PLCB1: variants seen among roughly 807,000 people sequenced by gnomAD.
The protein encoded by PLCB1 is 1-phosphatidylinositol 4,5-bisphosphate phosphodiesterase beta-1.
Under a neutral mutation model 161.8 loss-of-function variants are expected in PLCB1, and 46 were observed. That is an observed-to-expected ratio of 0.28 (90% CI 0.22 to 0.36). PLCB1 has a LOEUF of 0.36. Ranked by LOEUF, PLCB1 falls within the 10% of genes least tolerant of loss-of-function variation. PLCB1 has a pLI of 1.00. For missense variants in PLCB1, 1,016 were observed against 1,472.5 expected (o/e 0.69, Z 5.07); for synonymous variants, 517 against 503.7 (o/e 1.03, Z -0.35).
intron 2 of PLCB1, among the ~76,000 whole-genome samples, chr20:8,321,784 G>A (rs1020705977): frequency 3.3e-5 from 5 of 152,152 alleles, no homozygotes; most frequent in South Asian, 2.1e-4. Context: ...TCTCTCCCCC[G>A]CATTGGGTTC....
chr20:8,268,672 C>G (rs1215210260), intron 2 of PLCB1, among the ~76,000 whole-genome samples: 1 of 152,152 alleles, frequency 6.6e-6, no homozygotes, highest in Non-Finnish European at 1.5e-5. Context: ...ACTAGTGTGA[C>G]ATGGTATCTC....
chr20:8,615,362 C>T (rs995281635), intron 3 of PLCB1, among the ~76,000 whole-genome samples: 2 of 152,152 alleles, frequency 1.3e-5, no homozygotes, highest in Non-Finnish European at 2.9e-5. Flanking sequence ...TCTAATACAT[C>T]ACGCTTTGGA....
At chr20:8,319,380 T>G (rs956533086) in intron 2 of PLCB1, among the ~76,000 whole-genome samples, 2 of 151,982 alleles carry the variant, frequency 1.3e-5, no homozygotes, top group Non-Finnish European at 2.9e-5. Flanking sequence ...GGTGACTGGG[T>G]CATGTGTCTC....
intron 2 of PLCB1, among the ~76,000 whole-genome samples, chr20:8,254,505 A>T (rs948155571): frequency 1.3e-5 from 2 of 151,916 alleles, no homozygotes; most frequent in Non-Finnish European, 2.9e-5. Context: ...TGGTAACATG[A>T]GTGACTTTGT....
Position 8,150,341 on chromosome 20 carries a change from A to C in PLCB1, c.147A>C (p.Gly49=). The C allele has an allele frequency of 1.3e-6, 2 of 1,569,388 alleles. No individual in the cohort carries two copies. The highest frequency in any genetic ancestry group is 1.7e-6 in the Non-Finnish European group (2 of 1,146,316). The change falls in exon 2 of 32, where the codon GGA becomes GGC. Residue 49 remains glycine, a synonymous_variant. Transcript: ENST00000338037. ...TPIILRTDPQ[G]FFFYWTDQNK... is the part of the protein sequence containing the mutation. ...TTATTTTGAGGACTGACCCTCAGGG[A>C]TTTTTCTTTTACTGGACAGATCAAA... is the stretch of plus-strand genomic sequence containing the variant.
In PLCB1 at chr20:8,336,686, T is replaced by C. The variant is rs543905560; in HGVS notation, c.178-34696T>C. ...CATCCCTAGGGATGCTAGAAATAGA[T>C]TCCTGTCTTGGGATGGGATAAAATA... On this transcript the variant is annotated intron_variant, in intron 2 of 31. Transcript: ENST00000338037. 5.5e-3 allele frequency among the ~76,000 whole-genome samples: 838 copies of C among 152,302 alleles called. 9 individuals are homozygous for C. Among genetic ancestry groups the C allele is most frequent in the African/African-American group, 0.019 (805 of 41,570 alleles).
intron 2 of PLCB1, among the ~76,000 whole-genome samples, chr20:8,313,857 A>G (rs998993041): frequency 6.6e-6 from 1 of 152,144 alleles, no homozygotes; most frequent in Non-Finnish European, 1.5e-5. Context: ...TGGAAGCCTA[A>G]TATCTGTGTC....
chr20:8,557,163 G>C (rs1262920018), intron 3 of PLCB1, among the ~76,000 whole-genome samples: 1 of 151,642 alleles, frequency 6.6e-6, no homozygotes, highest in African/African-American at 2.4e-5. Flanking sequence ...TAAACATAGA[G>C]TTACCATATA....
rs879669061 is a variant in PLCB1, at chr20:8,323,943, A to G, written c.178-47439A>G. Among the ~76,000 whole-genome samples, 4 of 152,176 alleles carry G rather than the reference A, an allele frequency of 2.6e-5. No individual in the cohort carries two copies. The East Asian group carries it at 7.7e-4, about 29-fold the overall frequency. ...TTTACTAATTTTTATGCTCTATTCA[A>G]CTATCCTTTAAAATATACTTATCTA... is the stretch of plus-strand genomic sequence containing the variant. On this transcript the variant is annotated intron_variant, in intron 2 of 31. Coordinates refer to ENST00000338037, the MANE Select transcript of PLCB1 (RefSeq NM_015192.4).
chr20:8,215,978 T>A (rs1273898943), intron 2 of PLCB1, among the ~76,000 whole-genome samples: 1 of 152,076 alleles, frequency 6.6e-6, no homozygotes, highest in Non-Finnish European at 1.5e-5. Context: ...CATTCAGTAA[T>A]TCAGTTTTGC....
chr20:8,225,659 A>C (rs1441228970), intron 2 of PLCB1, among the ~76,000 whole-genome samples: 1 of 152,212 alleles, frequency 6.6e-6, no homozygotes, highest in Non-Finnish European at 1.5e-5. Flanking sequence ...GCCAAGTGGC[A>C]GGCACAATGG....
At chr20:8,492,570 T>C (rs992225873) in intron 3 of PLCB1, among the ~76,000 whole-genome samples, 8 of 152,098 alleles carry the variant, frequency 5.3e-5, no homozygotes, top group Non-Finnish European at 1.2e-4. Context: ...GATTGCCTTC[T>C]GTACATATGT....
At chr20:8,877,334 T>G (rs926960251) in intron 31 of PLCB1, among the ~76,000 whole-genome samples, 10 of 152,232 alleles carry the variant, frequency 6.6e-5, no homozygotes, top group Non-Finnish European at 1.5e-4. Context: ...AAGCCAGATT[T>G]AAATCTGTTA....
At chr20:8,592,811 A>G (rs1000437933) in intron 3 of PLCB1, among the ~76,000 whole-genome samples, 1 of 151,996 alleles carries the variant, frequency 6.6e-6, no homozygotes, top group Non-Finnish European at 1.5e-5. Flanking sequence ...GAGGGCCAAG[A>G]CTCTATGTTA....
intron 2 of PLCB1, among the ~76,000 whole-genome samples, chr20:8,365,867 A>G (rs1170270488): frequency 6.6e-6 from 1 of 152,164 alleles, no homozygotes; most frequent in Non-Finnish European, 1.5e-5. Context: ...TGAACCTGAA[A>G]CACATTATTA....
chr20:8,203,565 G>A (rs1978359589), intron 2 of PLCB1, among the ~76,000 whole-genome samples: 1 of 152,034 alleles, frequency 6.6e-6, no homozygotes, highest in Admixed American at 6.6e-5. Context: ...GCCGGGGGTG[G>A]GGTGGGGGAT....
intron 2 of PLCB1, among the ~76,000 whole-genome samples, chr20:8,249,053 A>C (rs968031390): frequency 1.3e-5 from 2 of 151,966 alleles, no homozygotes; most frequent in African/African-American, 4.8e-5. Context: ...AGGAATTCTG[A>C]AATTCTCTTC....
intron 2 of PLCB1, among the ~76,000 whole-genome samples, chr20:8,358,867 T>C (rs772704888): frequency 6.6e-6 from 1 of 152,222 alleles, no homozygotes; most frequent in Non-Finnish European, 1.5e-5. Flanking sequence ...AAAGATTCTG[T>C]GCTTCTCACC....
intron 31 of PLCB1, among the ~76,000 whole-genome samples, chr20:8,819,686 A>T (rs1293294659): frequency 6.6e-6 from 1 of 152,214 alleles, no homozygotes; most frequent in Non-Finnish European, 1.5e-5. Flanking sequence ...AAACCTGCAG[A>T]TGCTGAGCAC....
Sources: allele counts gnomAD v4.1 joint callset (sites outside exome capture counted in the v4.1 genomes callset), GRCh38; gene constraint gnomAD v4.1.1; transcripts MANE v1.5; gene names NCBI Gene and HGNC (gene_info 2026-07-23, HGNC 2026-07-21).